Variants in BRWD3 observed in about 807,000 individuals in gnomAD.
BRWD3 encodes bromodomain and WD repeat domain containing 3.
A neutral mutation model predicts 149.7 loss-of-function variants in BRWD3; 10 were observed. That is an observed-to-expected ratio of 0.07 (90% CI 0.04 to 0.11). The LOEUF (loss-of-function observed/expected upper bound fraction) is 0.11. BRWD3 is among the 10% of genes least tolerant of loss of function. The pLI, the probability that BRWD3 is intolerant of heterozygous loss-of-function variation, is 1.00. For missense variants in BRWD3, 940 were observed against 1,373.2 expected (o/e 0.68, Z 4.99); for synonymous variants, 504 against 456.7 (o/e 1.10, Z -1.32).
chrX:80,800,908 C>T (rs2074287526), intron 4 of BRWD3, among the ~76,000 whole-genome samples: 1 of 110,408 alleles, frequency 9.1e-6, no homozygotes, highest in Non-Finnish European at 1.9e-5. Flanking sequence ...AAAGAGACCA[C>T]CAGAAGCGAC....
chrX:80,684,222 T>C, intron 36 of BRWD3, 60 bp from the exon 37 acceptor site: 1 of 1,028,643 alleles, frequency 9.7e-7, no homozygotes, highest in South Asian at 2.0e-5. Context: ...ACAATGGGAC[T>C]AAAATTGGTA....
chrX:80,689,620 C>G (rs1171093937), intron 33 of BRWD3, 148 bp downstream of exon 33: 2 of 501,695 alleles, frequency 4.0e-6, no homozygotes, highest in Non-Finnish European at 6.8e-6. Flanking sequence ...TATATGCCAT[C>G]TAAGTACACT....
At chrX:80,735,329 G>A in intron 9 of BRWD3, 132 bp from the exon 10 acceptor site, 1 of 513,790 alleles carries the variant, frequency 1.9e-6, no homozygotes, top group Non-Finnish European at 3.4e-6. Context: ...TGGTCAATAA[G>A]TACTATTCTC....
intron 1 of BRWD3, 31 bp from the exon 2 acceptor site, chrX:80,809,335 G>C: frequency 8.5e-7 from 1 of 1,172,778 alleles, no homozygotes; most frequent in Non-Finnish European, 1.1e-6. Flanking sequence ...GAGGTTCAGA[G>C]GGAGGTAGAG....
At chrX:80,725,950 CTA>C (rs927999284) in intron 14 of BRWD3, among the ~76,000 whole-genome samples, 1 of 110,238 alleles carries the variant, frequency 9.1e-6, no homozygotes, top group Non-Finnish European at 1.9e-5. Context: ...TGTTACATGT[CTA>C]TATAACACAT....
intron 18 of BRWD3, 140 bp downstream of exon 18, chrX:80,719,349 A>C (rs2073113154): frequency 5.7e-6 from 3 of 527,643 alleles, no homozygotes; most frequent in Non-Finnish European, 8.8e-6. Context: ...ATGAGACTTC[A>C]ATATATCTGA....
chrX:80,767,865 C>A (rs1358060703), intron 6 of BRWD3, among the ~76,000 whole-genome samples: 1 of 111,652 alleles, frequency 9.0e-6, no homozygotes, highest in African/African-American at 3.3e-5. Flanking sequence ...CTGGAATAAA[C>A]AGTGTAGAGA....
chrX:80,779,335 T>G, intron 6 of BRWD3, among the ~76,000 whole-genome samples: 1 of 109,023 alleles, frequency 9.2e-6, no homozygotes. Context: ...AGTAAGAAAA[T>G]AGAATGTATG....
At chrX:80,808,061 TGCCCCCCC>T (rs1390671339) in intron 4 of BRWD3, among the ~76,000 whole-genome samples, 2 of 9,444 alleles carry the variant, frequency 2.1e-4, no homozygotes, top group African/African-American at 4.0e-4. Context: ...GCCTCCCCCC[TGCCCCCCC>T]GCCCCCCCCA....
chrX:80,728,625 T>G, intron 14 of BRWD3, 127 bp downstream of exon 14: 1 of 565,273 alleles, frequency 1.8e-6, no homozygotes, highest in Non-Finnish European at 2.8e-6. Context: ...CAGAGCCCTC[T>G]CAGAAAATCA....
intron 6 of BRWD3, among the ~76,000 whole-genome samples, chrX:80,760,687 T>C (rs1406890276): frequency 8.9e-6 from 1 of 112,086 alleles, no homozygotes; most frequent in Admixed American, 9.5e-5. Context: ...ATAATAGATT[T>C]GCTTTCCTTA....
intron 40 of BRWD3, among the ~76,000 whole-genome samples, chrX:80,678,663 C>T (rs778479850): frequency 9.0e-6 from 1 of 111,009 alleles, no homozygotes; most frequent in Non-Finnish European, 1.9e-5. Context: ...GATGTTCAAA[C>T]ATTTAAAGAT....
intron 8 of BRWD3, among the ~76,000 whole-genome samples, chrX:80,739,322 T>C (rs1602377222): frequency 9.0e-6 from 1 of 111,641 alleles, no homozygotes; most frequent in Non-Finnish European, 1.9e-5. Flanking sequence ...GGAGAAGATC[T>C]AAGGAAGAAA....
chrX:80,743,550 A>G (rs1434869254), intron 8 of BRWD3, among the ~76,000 whole-genome samples: 1 of 111,456 alleles, frequency 9.0e-6, no homozygotes, highest in African/African-American at 3.3e-5. Context: ...TTGGTAAGCT[A>G]TTAATTATTG....
chrX:80,772,235 T>C (rs912673820), intron 6 of BRWD3, among the ~76,000 whole-genome samples: 1 of 111,917 alleles, frequency 8.9e-6, no homozygotes, highest in Non-Finnish European at 1.9e-5. Context: ...CCATCAATGA[T>C]AGACCAGATT....
chrX:80,742,647 CT>C (rs1321051836), intron 8 of BRWD3, among the ~76,000 whole-genome samples: 1 of 109,913 alleles, frequency 9.1e-6, no homozygotes, highest in African/African-American at 3.4e-5. Flanking sequence ...GTATTTTATT[CT>C]CTTTGAAGCA....
intron 6 of BRWD3, among the ~76,000 whole-genome samples, chrX:80,773,906 C>A (rs1159175757): frequency 3.6e-5 from 4 of 112,500 alleles, no homozygotes; most frequent in African/African-American, 1.3e-4. Context: ...TCTGCCTAAC[C>A]TTCTCCAAAG....
intron 6 of BRWD3, among the ~76,000 whole-genome samples, chrX:80,757,521 A>C (rs1449337253): frequency 8.9e-6 from 1 of 112,607 alleles, no homozygotes; most frequent in South Asian, 3.6e-4. Context: ...CCTTTTGAGA[A>C]AAACAATTCT....
chrX:80,747,742 T>TA (rs1156690630), intron 6 of BRWD3, among the ~76,000 whole-genome samples: 3 of 111,950 alleles, frequency 2.7e-5, no homozygotes, highest in Non-Finnish European at 5.6e-5. Context: ...AGTTCATTGT[T>TA]AGAGTATAGA....
Sources: allele counts gnomAD v4.1 joint callset (sites outside exome capture counted in the v4.1 genomes callset), GRCh38; gene constraint gnomAD v4.1.1; transcripts MANE v1.5; gene names NCBI Gene and HGNC (gene_info 2026-07-23, HGNC 2026-07-21).